C3orf52: variants seen among roughly 807,000 people sequenced by gnomAD.
The protein encoded by C3orf52 is chromosome 3 open reading frame 52, also known as TPA-induced transmembrane protein.
A neutral mutation model predicts 24.8 loss-of-function variants in C3orf52; 22 were observed. The observed-to-expected ratio is 0.89, with a 90% CI of 0.63 to 1.27. The LOEUF (loss-of-function observed/expected upper bound fraction) is 1.27, where lower values mean the gene tolerates loss of function less well. Ranked by LOEUF, C3orf52 falls within the 50% of genes most tolerant of loss-of-function variation. The probability of loss-of-function intolerance (pLI) is 0.00; values close to 1 mark genes in which losing one functional copy is unlikely to be tolerated. For missense variants in C3orf52, 265 were observed against 260.7 expected (o/e 1.02, Z -0.11); for synonymous variants, 93 against 100.2 (o/e 0.93, Z 0.43).
intron 2 of C3orf52, among the ~76,000 whole-genome samples, chr3:112,097,505 G>C (rs187849725): frequency 1.2e-4 from 18 of 152,266 alleles, no homozygotes; most frequent in African/African-American, 4.1e-4. Context: ...AAGTGACGTT[G>C]TGTTGAGTGG....
chr3:112,088,017 G>T (rs2073845082), intron 1 of C3orf52, among the ~76,000 whole-genome samples: 1 of 152,224 alleles, frequency 6.6e-6, no homozygotes, highest in African/African-American at 2.4e-5. Context: ...AGGGTTATCA[G>T]TATTCTGTAA....
At chr3:112,125,382 C>A in intron 4 of C3orf52, 1 of 685,150 alleles carries the variant, frequency 1.5e-6, no homozygotes, top group Non-Finnish European at 2.6e-6. Context: ...TCAGGCTATT[C>A]TGATCTACAG....
intron 4 of C3orf52, among the ~76,000 whole-genome samples, chr3:112,127,844 C>A (rs1283403575): frequency 6.6e-6 from 1 of 152,128 alleles, no homozygotes; most frequent in Non-Finnish European, 1.5e-5. Flanking sequence ...GACTATTGTT[C>A]CTGTTTCTCA....
At chr3:112,105,555 TG>T (rs1267717397) in intron 3 of C3orf52, among the ~76,000 whole-genome samples, 1 of 151,612 alleles carries the variant, frequency 6.6e-6, no homozygotes. Flanking sequence ...TGTGTGTGTG[TG>T]TGTGTGTGTG....
chr3:112,121,969 CCT>C (rs1204692801), downstream of C3orf52: 6 of 152,196 alleles, frequency 3.9e-5, no homozygotes, highest in African/African-American at 1.4e-4. Flanking sequence ...CTTAAACAAA[CCT>C]CTTTTAAAAC....
chr3:112,100,147 G>A (rs1314284469), intron 2 of C3orf52, among the ~76,000 whole-genome samples: 2 of 151,926 alleles, frequency 1.3e-5, no homozygotes, highest in South Asian at 2.1e-4. Flanking sequence ...ATCTCTCCTC[G>A]TTTCATTTAT....
At chr3:112,107,470 A>G (rs74430748) in intron 3 of C3orf52, among the ~76,000 whole-genome samples, 3,465 of 152,322 alleles carry the variant, frequency 0.023, 56 homozygotes, top group South Asian at 0.068. Flanking sequence ...GAGCTGTACA[A>G]TGACTCAGTC....
chr3:112,134,885 C>T (rs1214935556), downstream of C3orf52: 1 of 154,924 alleles, frequency 6.5e-6, no homozygotes, highest in African/African-American at 2.4e-5. Context: ...AGAGACCAGA[C>T]TTAAAGCCTA....
chr3:112,126,265 C>T (rs2074315234), intron 4 of C3orf52, among the ~76,000 whole-genome samples: 1 of 152,134 alleles, frequency 6.6e-6, no homozygotes, highest in Non-Finnish European at 1.5e-5. Flanking sequence ...TTTTAAGATT[C>T]TATGTAAATG....
At chr3:112,103,736 A>G (rs1248399228) in intron 3 of C3orf52, among the ~76,000 whole-genome samples, 2 of 152,170 alleles carry the variant, frequency 1.3e-5, no homozygotes, top group East Asian at 1.9e-4. Context: ...GATGCTCAGG[A>G]TGAGTTTTGA....
downstream of C3orf52, among the ~76,000 whole-genome samples, chr3:112,118,578 C>T (rs1477136837): frequency 6.6e-6 from 1 of 152,056 alleles, no homozygotes; most frequent in African/African-American, 2.4e-5. Flanking sequence ...ATTTGCAAGT[C>T]ATAGAGAGGA....
chr3:112,122,933 A>G, downstream of C3orf52: 1 of 155,894 alleles, frequency 6.4e-6, no homozygotes, highest in Non-Finnish European at 1.4e-5. Context: ...CATGGGGGCC[A>G]ACAGGTCAAA....
chr3:112,106,601 C>CT (rs2074027990), intron 3 of C3orf52, among the ~76,000 whole-genome samples: 1 of 152,224 alleles, frequency 6.6e-6, no homozygotes, highest in African/African-American at 2.4e-5. Flanking sequence ...GCCCCTGTCA[C>CT]TCAGGAAGTA....
chr3:112,126,732 C>T (rs112036199), intron 4 of C3orf52, among the ~76,000 whole-genome samples: 3 of 152,170 alleles, frequency 2.0e-5, no homozygotes, highest in African/African-American at 7.2e-5. Flanking sequence ...CTTTTGTATC[C>T]TTGCCCCCAG....
At chr3:112,123,199 T>C, downstream of C3orf52, 1 of 570,756 alleles carries the variant, frequency 1.8e-6, no homozygotes, top group South Asian at 2.1e-5. Flanking sequence ...CTCCTACCAC[T>C]ATACTCTCCA....
intron 2 of C3orf52, among the ~76,000 whole-genome samples, chr3:112,098,724 A>G (rs1221466259): frequency 6.6e-6 from 1 of 152,106 alleles, no homozygotes; most frequent in East Asian, 1.9e-4. Context: ...GTCAGCACAC[A>G]TTTGCTGTCT....
At chr3:112,125,487 C>T (rs377556427) in intron 4 of C3orf52, among the ~76,000 whole-genome samples, 21 of 152,256 alleles carry the variant, frequency 1.4e-4, no homozygotes, top group Middle Eastern at 6.8e-3. Context: ...TTTGGTTAGT[C>T]TTTGGAAAGG....
At chr3:112,125,740 G>A (rs1256843216) in intron 4 of C3orf52, among the ~76,000 whole-genome samples, 1 of 152,248 alleles carries the variant, frequency 6.6e-6, no homozygotes, top group African/African-American at 2.4e-5. Flanking sequence ...TACTCTAGGT[G>A]ACGGGATGGT....
downstream of C3orf52, chr3:112,122,401 G>A (rs1203280145): frequency 1.3e-5 from 2 of 152,096 alleles, no homozygotes; most frequent in Admixed American, 1.3e-4. Context: ...GCTAGATTTG[G>A]CCTGGGGGTT....
Sources: gnomAD v4.1 joint callset for allele counts (sites outside exome capture counted in the v4.1 genomes callset) on GRCh38, gnomAD v4.1.1 for gene constraint, MANE v1.5 for transcripts, NCBI Gene and HGNC (gene_info 2026-07-23, HGNC 2026-07-21) for gene names.